Variants in CDH13 observed in about 807,000 individuals in gnomAD.
CDH13 encodes the protein cadherin 13, also known as cadherin-13.
A neutral mutation model predicts 63.8 loss-of-function variants in CDH13; 24 were observed. The observed-to-expected ratio is 0.38, with a 90% confidence interval of 0.27 to 0.53. The LOEUF is 0.53. CDH13 is among the 20% of genes least tolerant of loss of function. The pLI, the probability that CDH13 is intolerant of heterozygous loss-of-function variation, is 0.85. For missense variants in CDH13, 1,049 were observed against 903.1 expected, an observed-to-expected ratio of 1.16 and a Z score of -2.07; for synonymous variants, 503 against 355.3, an observed-to-expected ratio of 1.42 and a Z score of -4.67.
chr16:83,452,006 C>A (rs1190970601), intron 6 of CDH13, among the ~76,000 whole-genome samples: 6 of 152,106 alleles, frequency 3.9e-5, no homozygotes, highest in African/African-American at 1.4e-4. Flanking sequence ...AGTGTCAGGA[C>A]TGATATTTCT....
intron 1 of CDH13, among the ~76,000 whole-genome samples, chr16:82,697,746 T>C (rs1452924885): frequency 9.2e-4 from 1 of 1,092 alleles, no homozygotes; most frequent in South Asian, 0.024. Flanking sequence ...GCATTGTGTG[T>C]GTGTGTGTGT....
intron 6 of CDH13, among the ~76,000 whole-genome samples, chr16:83,422,267 A>G (rs1211265245): frequency 6.6e-6 from 1 of 152,210 alleles, no homozygotes; most frequent in East Asian, 1.9e-4. Context: ...TTGAACTAAA[A>G]ATCATATTAA....
At chr16:83,144,093 G>A (rs577734945) in intron 4 of CDH13, among the ~76,000 whole-genome samples, 2 of 152,260 alleles carry the variant, frequency 1.3e-5, no homozygotes, top group South Asian at 4.1e-4. Context: ...AGGATAAAAT[G>A]AAATCGCCTG....
intron 2 of CDH13, among the ~76,000 whole-genome samples, chr16:83,029,132 G>C (rs1490002849): frequency 6.6e-6 from 1 of 152,168 alleles, no homozygotes; most frequent in Non-Finnish European, 1.5e-5. Flanking sequence ...CTTGAATGTG[G>C]AAAGTGCTCA....
chr16:83,748,016 C>A (rs572250700), intron 10 of CDH13, 92 bp from the exon 11 acceptor site: 2 of 1,361,042 alleles, frequency 1.5e-6, no homozygotes, highest in South Asian at 1.2e-5. Flanking sequence ...TAGGATCCAG[C>A]ACCTAGCCTA....
chr16:82,890,773 T>G (rs1246960907), intron 2 of CDH13, among the ~76,000 whole-genome samples: 1 of 151,432 alleles, frequency 6.6e-6, no homozygotes, highest in East Asian at 2.0e-4. Context: ...TGCCTCAGCC[T>G]CCCGAATAGC....
At chr16:82,982,246 T>C (rs1910364199) in intron 2 of CDH13, among the ~76,000 whole-genome samples, 1 of 152,122 alleles carries the variant, frequency 6.6e-6, no homozygotes, top group Non-Finnish European at 1.5e-5. Context: ...TCTTATTTTA[T>C]AAATAATACT....
At chr16:83,348,936 G>A (rs999832555) in intron 6 of CDH13, among the ~76,000 whole-genome samples, 2 of 152,200 alleles carry the variant, frequency 1.3e-5, no homozygotes, top group African/African-American at 4.8e-5. Context: ...AGACACATGA[G>A]TTGTGTGAAG....
chr16:83,432,738 C>T (rs1335822294), intron 6 of CDH13, among the ~76,000 whole-genome samples: 1 of 152,138 alleles, frequency 6.6e-6, no homozygotes, highest in African/African-American at 2.4e-5. Flanking sequence ...AGTTGGATGG[C>T]ACAGGCAGCT....
chr16:82,956,672 C>T (rs961098641), intron 2 of CDH13, among the ~76,000 whole-genome samples: 1 of 152,214 alleles, frequency 6.6e-6, no homozygotes, highest in African/African-American at 2.4e-5. Flanking sequence ...TTACCCACTC[C>T]CTTAGCAGAT....
intron 8 of CDH13, among the ~76,000 whole-genome samples, chr16:83,646,002 T>G (rs541167807): frequency 6.6e-6 from 1 of 152,354 alleles, no homozygotes; most frequent in South Asian, 2.1e-4. Context: ...GCTGTAGGTT[T>G]GCTCCACATC....
chr16:82,677,446 C>CTTT lies in CDH13; in HGVS notation c.45+50324_45+50326dup, dbSNP rs3041877. On this transcript the variant is annotated intron_variant, in intron 1 of 13. Transcript: ENST00000567109. ...TATACAAAGGAAAGGACTCTTCTGC[C>CTTT]TTTTTTTTTTTTTTTTTGGTTTTTA... is the stretch of plus-strand genomic sequence containing the variant. 5.8e-4 allele frequency among the ~76,000 whole-genome samples: 76 copies of CTTT among 130,704 alleles called. 1 individual carries two copies. Among genetic ancestry groups the CTTT allele is most frequent in the African/African-American group, 1.4e-3 (48 of 35,088 alleles). 85.7% of individuals were successfully genotyped at this position (130,704 alleles called of 152,430 possible).
At chr16:82,871,654 AC>A (rs2040345240) in intron 2 of CDH13, among the ~76,000 whole-genome samples, 2 of 92,038 alleles carry the variant, frequency 2.2e-5, no homozygotes, top group Non-Finnish European at 6.8e-5. Context: ...ATCAACAGTA[AC>A]ACAACTCCAA....
Position 82,731,239 on chromosome 16 carries a change from C to T in CDH13, c.45+104102C>T, listed in dbSNP as rs143265695. ...TCCTAGGCTTTGTGGGCACCGAACC[C>T]TCTGTTGCAATTACTCAACCCTGCA... On this transcript the variant is annotated intron_variant, in intron 1 of 13. Transcript: ENST00000567109. 4.7e-3 allele frequency among the ~76,000 whole-genome samples: 714 copies of T among 152,262 alleles called. 6 individuals are homozygous for T. The highest frequency in any genetic ancestry group is 0.016 in the African/African-American group (684 of 41,570).
At chr16:82,869,586 C>A (rs1329750468) in intron 2 of CDH13, among the ~76,000 whole-genome samples, 1 of 152,114 alleles carries the variant, frequency 6.6e-6, no homozygotes. Flanking sequence ...TACAGTTGTA[C>A]TACAAAGCTA....
intron 7 of CDH13, among the ~76,000 whole-genome samples, chr16:83,581,249 C>T (rs1243450418): frequency 6.6e-6 from 1 of 152,194 alleles, no homozygotes; most frequent in Non-Finnish European, 1.5e-5. Flanking sequence ...AGTCATTTAT[C>T]CCTGAGTACA....
chr16:83,569,586 T>G (rs7198318), intron 7 of CDH13, among the ~76,000 whole-genome samples: 2 of 152,022 alleles, frequency 1.3e-5, no homozygotes, highest in Admixed American at 6.5e-5. Context: ...GGCTCAATTG[T>G]GAAATCCCTC....
chr16:83,305,943 T>C (rs906161793), intron 5 of CDH13, among the ~76,000 whole-genome samples: 5 of 152,244 alleles, frequency 3.3e-5, no homozygotes, highest in African/African-American at 4.8e-5. Context: ...AACAATACAG[T>C]GATCATTCTA....
intron 6 of CDH13, among the ~76,000 whole-genome samples, chr16:83,361,099 G>A (rs914121000): frequency 2.0e-5 from 3 of 152,136 alleles, no homozygotes; most frequent in African/African-American, 7.2e-5. Context: ...ATCAGCATCT[G>A]TTGCTTTTTG....
Sources: gnomAD v4.1 joint callset for allele counts (sites outside exome capture counted in the v4.1 genomes callset) on GRCh38, gnomAD v4.1.1 for gene constraint, MANE v1.5 for transcripts, NCBI Gene and HGNC (gene_info 2026-07-23, HGNC 2026-07-21) for gene names.